PTPRJ: variants seen among roughly 807,000 people sequenced by gnomAD.
The protein encoded by PTPRJ is protein tyrosine phosphatase receptor type J.
Under a neutral mutation model 141.3 loss-of-function variants are expected in PTPRJ, and 129 were observed. The observed-to-expected ratio is 0.91, with a 90% CI of 0.79 to 1.06. PTPRJ has a LOEUF of 1.06. PTPRJ is among the 50% of genes least tolerant of loss of function. The probability of loss-of-function intolerance (pLI) is 0.00; values close to 1 mark genes in which losing one functional copy is unlikely to be tolerated. For missense variants in PTPRJ, 1,601 were observed against 1,679.7 expected (o/e 0.95, Z 0.82); for synonymous variants, 610 against 640.5 (o/e 0.95, Z 0.72).
chr11:48,167,095 A>G lies in PTPRJ; in HGVS notation c.3856-109A>G, dbSNP rs148117873. On this transcript the variant is annotated intron_variant, in intron 24 of 24. Transcript: ENST00000418331. ...GCTTGAACCGTTTGCTGTTGGGTGG[A>G]TGGGGTTTGGGAGTTGGGCGGGGGA... The G allele has an allele frequency of 3.3e-3, 3,251 of 978,182 alleles. 83 individuals carry two copies. The African/African-American group carries it at 0.048, about 14-fold the overall frequency. 60.6% of individuals were successfully genotyped at this position (978,182 alleles called of 1,614,324 possible). A position where few individuals can be genotyped will look rare whatever the true frequency, so the allele number is the denominator to read the frequency against.
intron 1 of PTPRJ, among the ~76,000 whole-genome samples, chr11:48,032,618 G>A (rs1264549208): frequency 6.6e-6 from 1 of 152,162 alleles, no homozygotes; most frequent in East Asian, 1.9e-4. Flanking sequence ...AATTAGTCGG[G>A]CGTGGTGGCA....
At chr11:48,133,743 G>A (rs1423433279) in intron 8 of PTPRJ, among the ~76,000 whole-genome samples, 1 of 152,126 alleles carries the variant, frequency 6.6e-6, no homozygotes, top group African/African-American at 2.4e-5. Context: ...ATAAAATGTG[G>A]TTCATCCATA....
chr11:48,132,723 G>T (rs1343461334), intron 8 of PTPRJ: 1 of 945,832 alleles, frequency 1.1e-6, no homozygotes, highest in Non-Finnish European at 1.3e-6. Context: ...AAAAGAAATG[G>T]GACAGATTCC....
At chr11:48,082,909 G>T (rs747254093) in intron 1 of PTPRJ, among the ~76,000 whole-genome samples, 6 of 152,196 alleles carry the variant, frequency 3.9e-5, no homozygotes, top group Non-Finnish European at 8.8e-5. Flanking sequence ...TAGTGTATGT[G>T]AATGTGCTGT....
At chr11:48,040,134 G>A (rs1854238805) in intron 1 of PTPRJ, among the ~76,000 whole-genome samples, 1 of 152,150 alleles carries the variant, frequency 6.6e-6, no homozygotes, top group African/African-American at 2.4e-5. Flanking sequence ...GTCCCCGAGC[G>A]TCTCTGAGTT....
chr11:48,064,401 G>A (rs7943769), intron 1 of PTPRJ, among the ~76,000 whole-genome samples: 30,996 of 152,016 alleles, frequency 0.2, 6,125 homozygotes, highest in African/African-American at 0.52. Context: ...AGCAGGGTCC[G>A]AACAGCTGGG....
chr11:48,069,457 T>G (rs1855177467), intron 1 of PTPRJ, among the ~76,000 whole-genome samples: 1 of 149,824 alleles, frequency 6.7e-6, no homozygotes, highest in Non-Finnish European at 1.5e-5. Context: ...TTTTTTTTTT[T>G]TTTTTTTTTG....
At chr11:48,148,717 C>G (rs1857409673) in intron 15 of PTPRJ, among the ~76,000 whole-genome samples, 1 of 152,096 alleles carries the variant, frequency 6.6e-6, no homozygotes, top group Non-Finnish European at 1.5e-5. Flanking sequence ...TTACAGGCAT[C>G]AGCCACCGTG....
At chr11:48,059,112 T>C (rs1336423825) in intron 1 of PTPRJ, among the ~76,000 whole-genome samples, 1 of 102,020 alleles carries the variant, frequency 9.8e-6, no homozygotes, top group Non-Finnish European at 2.0e-5. Flanking sequence ...TGCTGTGCCT[T>C]TTTTTTTTTT....
At chr11:48,019,199 G>A (rs1021716870) in intron 1 of PTPRJ, among the ~76,000 whole-genome samples, 1 of 152,076 alleles carries the variant, frequency 6.6e-6, no homozygotes, top group African/African-American at 2.4e-5. Flanking sequence ...GTTTAGGAAC[G>A]TGGATGTGGC....
Position 48,131,104 on chromosome 11 carries a change from GTC to G in PTPRJ, c.1615+390_1615+391del, listed in dbSNP as rs1178185567. On this transcript the variant is annotated intron_variant, in intron 8 of 24. Transcript: ENST00000418331. Reference sequence around the variant, plus strand: ...TTTTTTTTTTTTTTTTTTTGAGACAGTCTTACCCTGTCACCCAGGCTGGAGTG... The same window carrying G: ...TTTTTTTTTTTTTTTTTTTGAGACAGTTACCCTGTCACCCAGGCTGGAGTG... 3.3e-5 allele frequency among the ~76,000 whole-genome samples: 3 copies of G among 89,750 alleles called. No individual in the cohort carries two copies. The Admixed American group carries it at 5.5e-4, about 16-fold the overall frequency. The allele number at this position is 89,750 out of a possible 152,430, so 58.9% of individuals were successfully genotyped here.
intron 1 of PTPRJ, among the ~76,000 whole-genome samples, chr11:48,007,132 G>A (rs758803445): frequency 1.3e-5 from 2 of 151,336 alleles, no homozygotes; most frequent in Non-Finnish European, 2.9e-5. Context: ...ACTGAGTCTC[G>A]CTTTGTCTCC....
chr11:48,010,784 C>A (rs1854763352), intron 1 of PTPRJ, among the ~76,000 whole-genome samples: 1 of 152,108 alleles, frequency 6.6e-6, no homozygotes, highest in South Asian at 2.1e-4. Context: ...GATCCACCTG[C>A]CTTGGCCTCC....
chr11:48,081,333 T>C (rs2134285363), intron 1 of PTPRJ, among the ~76,000 whole-genome samples: 1 of 152,330 alleles, frequency 6.6e-6, no homozygotes, highest in South Asian at 2.1e-4. Context: ...CAGAACAGTC[T>C]GAGTCAGTGG....
intron 1 of PTPRJ, among the ~76,000 whole-genome samples, chr11:47,985,131 G>A (rs12284662): frequency 0.018 from 2,667 of 151,308 alleles, 91 homozygotes; most frequent in African/African-American, 0.061. Flanking sequence ...GATTACAGGC[G>A]TGAGCCACCG....
At chr11:48,081,699 A>G (rs1273887003) in intron 1 of PTPRJ, among the ~76,000 whole-genome samples, 2 of 147,026 alleles carry the variant, frequency 1.4e-5, no homozygotes, top group Non-Finnish European at 3.0e-5. Context: ...CCCACCACGG[A>G]CTCATTGTAA....
intron 1 of PTPRJ, among the ~76,000 whole-genome samples, chr11:48,054,078 G>A (rs1024037047): frequency 6.6e-6 from 1 of 151,510 alleles, no homozygotes; most frequent in Non-Finnish European, 1.5e-5. Context: ...GATTACAGGT[G>A]CCTGCCACCA....
At chr11:48,047,580 T>C (rs1228608896) in intron 1 of PTPRJ, among the ~76,000 whole-genome samples, 1 of 151,884 alleles carries the variant, frequency 6.6e-6, no homozygotes, top group Admixed American at 6.6e-5. Context: ...CTCAGCTCAC[T>C]GCAACCTCTG....
intron 1 of PTPRJ, among the ~76,000 whole-genome samples, chr11:47,981,284 C>T (rs915609128): frequency 5.3e-5 from 8 of 152,154 alleles, no homozygotes; most frequent in African/African-American, 1.9e-4. Context: ...GGCTCCAGGC[C>T]GTCCCTGGCC....
Sources: allele counts gnomAD v4.1 joint callset (sites outside exome capture counted in the v4.1 genomes callset), GRCh38; gene constraint gnomAD v4.1.1; transcripts MANE v1.5; gene names NCBI Gene and HGNC (gene_info 2026-07-23, HGNC 2026-07-21).